The following TMEM132D variants were observed in gnomAD, a reference collection of about 807,000 sequenced individuals.
The protein encoded by TMEM132D is mature OL transmembrane protein.
In TMEM132D, 21 loss-of-function variants were observed where a neutral mutation model predicts 62.3. That is an observed-to-expected ratio of 0.34 (90% CI 0.24 to 0.49). The LOEUF is 0.49. Among genes scored for constraint, TMEM132D ranks in the 20% least tolerant of loss-of-function variants. The probability of loss-of-function intolerance (pLI) is 0.99; values close to 1 mark genes in which losing one functional copy is unlikely to be tolerated. For missense variants in TMEM132D, 1,346 were observed against 1,402.8 expected, an observed-to-expected ratio of 0.96 and a Z score of 0.65; for synonymous variants, 621 against 575.6, an observed-to-expected ratio of 1.08 and a Z score of -1.13.
intron 5 of TMEM132D, among the ~76,000 whole-genome samples, chr12:129,150,267 C>G (rs1877033247): frequency 6.6e-6 from 1 of 152,164 alleles, no homozygotes; most frequent in African/African-American, 2.4e-5. Flanking sequence ...AGAAGTCACT[C>G]CAGCTTCCCA....
At chr12:129,211,047 C>T (rs1223040584) in intron 4 of TMEM132D, 3 of 152,116 alleles carry the variant, frequency 2.0e-5, no homozygotes, top group Admixed American at 6.5e-5. Flanking sequence ...CCTCAAGACC[C>T]GGTAAGTGAA....
chr12:129,751,738 C>T lies in TMEM132D; in HGVS notation c.80-51040G>A, dbSNP rs373200240. Among the ~76,000 whole-genome samples, 529 of 152,288 alleles carry T rather than the reference C, an allele frequency of 3.5e-3. 2 individuals carry two copies. The highest frequency in any genetic ancestry group is 0.012 in the African/African-American group (493 of 41,560). On this transcript the variant is annotated intron_variant, in intron 1 of 8. Transcript: ENST00000422113. ...CATGGATTGTCCAACAAAGCCATGTCTGCATAACAAACTAGGATTTGCAAC... is the reference window on the plus strand; with the variant it reads ...CATGGATTGTCCAACAAAGCCATGTTTGCATAACAAACTAGGATTTGCAAC...
chr12:129,180,543 T>G (rs975560747), intron 5 of TMEM132D, among the ~76,000 whole-genome samples: 1 of 152,206 alleles, frequency 6.6e-6, no homozygotes. Context: ...ACAGACACAG[T>G]CCTTGCTTTC....
At position 129,115,289 on chromosome 12, in the gene TMEM132D, C is replaced by G. The variant is rs145263778; in HGVS notation, c.1444-30587G>C. 4.5e-3 allele frequency among the ~76,000 whole-genome samples: 686 copies of G among 152,320 alleles called. 5 individuals are homozygous for G. The highest frequency in any genetic ancestry group is 0.02 in the Middle Eastern group (6 of 294). On this transcript the variant is annotated intron_variant, in intron 5 of 8. Coordinates refer to ENST00000422113, the MANE Select transcript of TMEM132D (RefSeq NM_133448.3). ...TCTGGCTCCTGCTGGGATCTTTGAG[C>G]TCAGCCAACACGATTATCCTCCTGG...
intron 1 of TMEM132D, among the ~76,000 whole-genome samples, chr12:129,799,003 C>T (rs927927573): frequency 4.6e-5 from 7 of 152,226 alleles, no homozygotes; most frequent in Non-Finnish European, 8.8e-5. Context: ...CAGTGGCTCA[C>T]GCCTGTAATC....
chr12:129,532,287 G>C (rs1876251797), intron 2 of TMEM132D, among the ~76,000 whole-genome samples: 1 of 152,114 alleles, frequency 6.6e-6, no homozygotes. Flanking sequence ...CGGCCGACTT[G>C]GAGTTCCTCC....
chr12:129,316,227 T>C (rs569523502), intron 4 of TMEM132D, among the ~76,000 whole-genome samples: 31 of 152,260 alleles, frequency 2.0e-4, no homozygotes, highest in African/African-American at 6.7e-4. Context: ...CTCCTTAAGG[T>C]GTGACCTTAA....
intron 5 of TMEM132D, among the ~76,000 whole-genome samples, chr12:129,147,684 T>C (rs1876951890): frequency 6.6e-6 from 1 of 152,222 alleles, no homozygotes; most frequent in African/African-American, 2.4e-5. Context: ...TAGGGCATCA[T>C]ATCCTCAGGT....
chr12:129,532,028 T>C (rs7978442), intron 2 of TMEM132D, among the ~76,000 whole-genome samples: 99,612 of 151,908 alleles, frequency 0.66, 32,999 homozygotes, highest in African/African-American at 0.74. Context: ...AGCACTCCAG[T>C]TTGGGTGACA....
At chr12:129,082,488 A>C (rs2135617550) in intron 6 of TMEM132D, among the ~76,000 whole-genome samples, 1 of 152,260 alleles carries the variant, frequency 6.6e-6, no homozygotes, top group Non-Finnish European at 1.5e-5. Context: ...CTGTGAGCCA[A>C]GCTGTAGAGA....
intron 1 of TMEM132D, among the ~76,000 whole-genome samples, chr12:129,730,926 C>T (rs754368267): frequency 6.6e-6 from 1 of 152,026 alleles, no homozygotes; most frequent in Non-Finnish European, 1.5e-5. Context: ...TTTTGGGACT[C>T]GGACTGGCTT....
intron 2 of TMEM132D, among the ~76,000 whole-genome samples, chr12:129,602,955 C>A (rs780762055): frequency 7.2e-5 from 11 of 152,116 alleles, no homozygotes; most frequent in African/African-American, 2.7e-4. Flanking sequence ...ACCATTAGAT[C>A]TTGTGATAAC....
intron 5 of TMEM132D, among the ~76,000 whole-genome samples, chr12:129,205,761 C>A (rs1878832446): frequency 6.6e-6 from 1 of 151,910 alleles, no homozygotes; most frequent in African/African-American, 2.4e-5. Flanking sequence ...ACCACATAAT[C>A]AGACATAAAA....
In TMEM132D at chr12:129,454,962, G is replaced by T. The variant is rs117106406; in HGVS notation, c.1115+76097C>A. Among the ~76,000 whole-genome samples, 14 of 152,296 alleles carry T rather than the reference G, an allele frequency of 9.2e-5. No individual in the cohort carries two copies. The East Asian group carries it at 2.7e-3, about 29-fold the overall frequency. On this transcript the variant is annotated intron_variant, in intron 3 of 8. Coordinates refer to ENST00000422113, the MANE Select transcript of TMEM132D (RefSeq NM_133448.3). ...AACCCAACTAATTAACAGTCAACCC[G>T]AAGAAAGCTTAAAAAGGGTCCAAAT...
intron 4 of TMEM132D, among the ~76,000 whole-genome samples, chr12:129,235,190 C>A (rs998280220): frequency 6.6e-6 from 1 of 152,150 alleles, no homozygotes; most frequent in Non-Finnish European, 1.5e-5. Context: ...ATAAACTCAT[C>A]CTTTATAAAT....
At chr12:129,267,289 C>T (rs1365376710) in intron 4 of TMEM132D, among the ~76,000 whole-genome samples, 2 of 152,150 alleles carry the variant, frequency 1.3e-5, no homozygotes, top group African/African-American at 4.8e-5. Flanking sequence ...AAAACCCCAT[C>T]GTCTCAGCCC....
rs772894772 is a variant in TMEM132D at position 129,164,385 on chromosome 12, C to T, written c.1443+45135G>A. ...ACCCACCATAATGGCTGCAATTAAA[C>T]AGCGAAAATAATCAAATGTTGGCAA... On this transcript the variant is annotated intron_variant, in intron 5 of 8. Coordinates refer to ENST00000422113, the MANE Select transcript of TMEM132D (RefSeq NM_133448.3). Among the ~76,000 whole-genome samples, 49 of 152,318 alleles carry T rather than the reference C, an allele frequency of 3.2e-4. 1 individual carries two copies. The highest frequency in any genetic ancestry group is 6.8e-3 in the Middle Eastern group (2 of 294).
At chr12:129,825,272 C>G (rs1405229142) in intron 1 of TMEM132D, among the ~76,000 whole-genome samples, 1 of 151,712 alleles carries the variant, frequency 6.6e-6, no homozygotes, top group Non-Finnish European at 1.5e-5. Context: ...CCCGCCTTGG[C>G]CCCCCCAAAC....
chr12:129,100,753 G>C (rs1875279608), intron 5 of TMEM132D, among the ~76,000 whole-genome samples: 1 of 152,180 alleles, frequency 6.6e-6, no homozygotes, highest in Non-Finnish European at 1.5e-5. Context: ...GATGTAAAAA[G>C]CCTCATTAGT....
Sources: allele counts gnomAD v4.1 joint callset (sites outside exome capture counted in the v4.1 genomes callset), GRCh38; gene constraint gnomAD v4.1.1; transcripts MANE v1.5; gene names NCBI Gene and HGNC (gene_info 2026-07-23, HGNC 2026-07-21).